COMMD1: variants seen among roughly 807,000 people sequenced by gnomAD.
COMMD1 encodes copper metabolism domain containing 1.
COMMD1 carries 10 observed loss-of-function variants against 17.2 expected under a neutral mutation model. That is an observed-to-expected ratio of 0.58 (90% CI 0.36 to 0.99). COMMD1 has a LOEUF of 0.99. Ranked by LOEUF, COMMD1 falls within the 50% of genes least tolerant of loss-of-function variation. The pLI, the probability that COMMD1 is intolerant of heterozygous loss-of-function variation, is 0.01. For synonymous variants in COMMD1, 97 were observed against 91.6 expected, an observed-to-expected ratio of 1.06 and a Z score of -0.34; for missense variants, 270 against 231.8, an observed-to-expected ratio of 1.17 and a Z score of -1.07.
intron 2 of COMMD1, among the ~76,000 whole-genome samples, chr2:62,064,987 C>T (rs1001817844): frequency 6.6e-5 from 10 of 151,968 alleles, no homozygotes; most frequent in African/African-American, 1.9e-4. Context: ...GGCAACATGG[C>T]GAAACCCCAT....
chr2:61,984,408 A>T (rs1672047109), intron 1 of COMMD1, among the ~76,000 whole-genome samples: 1 of 152,252 alleles, frequency 6.6e-6, no homozygotes, highest in Non-Finnish European at 1.5e-5. Flanking sequence ...TGGTCATTAC[A>T]GTACCGTATT....
At chr2:61,906,679 C>T (rs746266893) in intron 1 of COMMD1, among the ~76,000 whole-genome samples, 1 of 151,662 alleles carries the variant, frequency 6.6e-6, no homozygotes, top group Admixed American at 6.6e-5. Flanking sequence ...AAATTACTGA[C>T]TTTTATAGGT....
At chr2:61,939,939 T>C (rs1308404427) in intron 1 of COMMD1, among the ~76,000 whole-genome samples, 4 of 152,184 alleles carry the variant, frequency 2.6e-5, no homozygotes, top group African/African-American at 9.7e-5. Context: ...TTCCTTCTTG[T>C]ATTCCCAGGT....
chr2:62,004,220 T>C (rs1004105512), intron 2 of COMMD1, among the ~76,000 whole-genome samples: 1 of 152,202 alleles, frequency 6.6e-6, no homozygotes, highest in African/African-American at 2.4e-5. Context: ...TATTTACAGT[T>C]TATTGTACAT....
At chr2:62,048,091 AAG>A (rs1670431701) in intron 2 of COMMD1, among the ~76,000 whole-genome samples, 1 of 152,184 alleles carries the variant, frequency 6.6e-6, no homozygotes, top group African/African-American at 2.4e-5. Context: ...ATTCTGTTTC[AAG>A]AGAGTCTTGG....
chr2:61,963,552 C>T (rs1229062470), intron 1 of COMMD1, among the ~76,000 whole-genome samples: 1 of 152,112 alleles, frequency 6.6e-6, no homozygotes, highest in East Asian at 1.9e-4. Flanking sequence ...CCATGTTGGT[C>T]AGGCTGGTCT....
chr2:62,018,298 A>G (rs1221639985), intron 2 of COMMD1, among the ~76,000 whole-genome samples: 1 of 152,210 alleles, frequency 6.6e-6, no homozygotes, highest in Non-Finnish European at 1.5e-5. Context: ...GCAGTTCACC[A>G]AAGGAATTAG....
chr2:62,003,965 T>C (rs1024371094), intron 2 of COMMD1, among the ~76,000 whole-genome samples: 2 of 151,950 alleles, frequency 1.3e-5, no homozygotes, highest in Non-Finnish European at 2.9e-5. Flanking sequence ...CTGTCTCTAC[T>C]AAAAATACAA....
chr2:61,945,985 T>C (rs1670895142), intron 1 of COMMD1, among the ~76,000 whole-genome samples: 1 of 152,140 alleles, frequency 6.6e-6, no homozygotes, highest in African/African-American at 2.4e-5. Context: ...GCTAGAGGGG[T>C]GTGATGAGGC....
intron 2 of COMMD1, among the ~76,000 whole-genome samples, chr2:62,038,115 C>T (rs888482498): frequency 2.0e-5 from 3 of 151,962 alleles, no homozygotes; most frequent in Non-Finnish European, 1.5e-5. Flanking sequence ...ATGGTGAAAC[C>T]CCATCTCTAC....
In COMMD1 at chr2:62,000,816, A is replaced by C. The variant is rs1225366384; in HGVS notation, c.296A>C (p.Lys99Thr). ...GCTGCTGTCATTTCCAAATTCTGGA[A>C]GAGCCACAAGACAAAAATCCGTGAG... Reference protein sequence around the residue: ...DQAAVISKFWKSHKTKIRESL... With the variant: ...DQAAVISKFWTSHKTKIRESL... The change falls in exon 2 of 3, where the codon AAG (lysine) becomes ACG (threonine). Residue 99 changes from lysine (K) to threonine (T), a missense_variant. Transcript: ENST00000311832. The C allele has an allele frequency of 1.9e-6, 3 of 1,614,208 alleles. No homozygotes were observed. The highest frequency in any genetic ancestry group is 2.5e-6 in the Non-Finnish European group (3 of 1,180,026).
intron 2 of COMMD1, among the ~76,000 whole-genome samples, chr2:62,092,744 C>T (rs567144733): frequency 6.6e-6 from 1 of 152,234 alleles, no homozygotes; most frequent in South Asian, 2.1e-4. Context: ...GACAATAATG[C>T]AGTATTTCCC....
At chr2:62,101,153 CA>C (rs1398862492) in intron 2 of COMMD1, among the ~76,000 whole-genome samples, 1 of 151,604 alleles carries the variant, frequency 6.6e-6, no homozygotes, top group African/African-American at 2.4e-5. Flanking sequence ...CTTTTATTCA[CA>C]ACACCTCTGA....
intron 2 of COMMD1, among the ~76,000 whole-genome samples, chr2:62,002,603 G>A (rs1172442430): frequency 6.6e-6 from 1 of 151,514 alleles, no homozygotes; most frequent in East Asian, 1.9e-4. Flanking sequence ...CAAGGCAGGT[G>A]GATCACTTGA....
intron 2 of COMMD1, among the ~76,000 whole-genome samples, chr2:62,049,028 T>A (rs1425434437): frequency 6.6e-6 from 1 of 152,198 alleles, no homozygotes; most frequent in Middle Eastern, 3.2e-3. Context: ...ATTTTTCTAG[T>A]TAAAATGGGT....
intron 1 of COMMD1, 91 bp from the exon 2 acceptor site, chr2:62,000,610 G>A: frequency 8.1e-7 from 1 of 1,240,984 alleles, no homozygotes; most frequent in Middle Eastern, 2.3e-4. Flanking sequence ...TGATTTAAGA[G>A]TCACTCAAAA....
intron 1 of COMMD1, among the ~76,000 whole-genome samples, chr2:61,913,422 A>C (rs1669963366): frequency 6.6e-6 from 1 of 151,234 alleles, no homozygotes; most frequent in Non-Finnish European, 1.5e-5. Context: ...TCATGCCTGT[A>C]ATCCCAGCAC....
intron 2 of COMMD1, among the ~76,000 whole-genome samples, chr2:62,062,824 C>CTT (rs1670903861): frequency 6.6e-6 from 1 of 151,984 alleles, no homozygotes; most frequent in Admixed American, 6.6e-5. Context: ...AATCTTACCA[C>CTT]TTTCGGAGGC....
At chr2:61,969,096 C>G (rs1224132766) in intron 1 of COMMD1, 7 of 409,292 alleles carry the variant, frequency 1.7e-5, no homozygotes, top group Non-Finnish European at 3.4e-5. Flanking sequence ...GCAGCTGGGA[C>G]TACAGGTGCA....
Sources: gnomAD v4.1 joint callset for allele counts (sites outside exome capture counted in the v4.1 genomes callset) on GRCh38, gnomAD v4.1.1 for gene constraint, MANE v1.5 for transcripts, NCBI Gene and HGNC (gene_info 2026-07-23, HGNC 2026-07-21) for gene names.